The following PXDNL variants were observed in gnomAD, a reference collection of about 807,000 sequenced individuals.
The protein encoded by PXDNL is peroxidasin like.
A neutral mutation model predicts 150.8 loss-of-function variants in PXDNL; 145 were observed. The observed-to-expected ratio is 0.96, with a 90% CI of 0.84 to 1.10. The LOEUF is 1.10. PXDNL is among the 50% of genes least tolerant of loss of function. PXDNL has a pLI of 0.00. For synonymous variants in PXDNL, 757 were observed against 725.7 expected, an observed-to-expected ratio of 1.04 and a Z score of -0.69; for missense variants, 2,087 against 1,873.9, an observed-to-expected ratio of 1.11 and a Z score of -2.10.
chr8:51,656,665 T>G (rs1184457851), intron 1 of PXDNL, among the ~76,000 whole-genome samples: 1 of 152,194 alleles, frequency 6.6e-6, no homozygotes, highest in Non-Finnish European at 1.5e-5. Flanking sequence ...GCTTTGAAAT[T>G]TCTGAAAAAT....
chr8:51,603,364 T>C (rs560307754), intron 2 of PXDNL, among the ~76,000 whole-genome samples: 24 of 152,146 alleles, frequency 1.6e-4, no homozygotes, highest in Non-Finnish European at 3.4e-4. Flanking sequence ...ACATCATTCA[T>C]TTTTCTGCTT....
intron 4 of PXDNL, among the ~76,000 whole-genome samples, chr8:51,516,414 G>T (rs760243338): frequency 4.6e-5 from 7 of 152,100 alleles, no homozygotes; most frequent in Admixed American, 1.3e-4. Context: ...GAGTATCTTG[G>T]CTTTGACAGA....
chr8:51,652,101 G>T (rs1041957621), intron 2 of PXDNL, among the ~76,000 whole-genome samples: 1 of 152,088 alleles, frequency 6.6e-6, no homozygotes, highest in Admixed American at 6.5e-5. Flanking sequence ...TGGAGTTTCT[G>T]TGCAATTTAC....
intron 12 of PXDNL, among the ~76,000 whole-genome samples, chr8:51,438,176 G>A (rs1395543252): frequency 6.6e-6 from 1 of 152,096 alleles, no homozygotes; most frequent in Admixed American, 6.5e-5. Context: ...TGACACAAAT[G>A]AATTGAAACA....
At chr8:51,807,142 TG>T (rs1180781109) in intron 1 of PXDNL, among the ~76,000 whole-genome samples, 1 of 152,188 alleles carries the variant, frequency 6.6e-6, no homozygotes, top group African/African-American at 2.4e-5. Flanking sequence ...TACCTGAAAC[TG>T]GGTAATTTAC....
At chr8:51,407,238 C>A (rs1260542593) in intron 17 of PXDNL, among the ~76,000 whole-genome samples, 4 of 152,080 alleles carry the variant, frequency 2.6e-5, no homozygotes, top group Non-Finnish European at 5.9e-5. Context: ...GTTTGAGATT[C>A]CACATATGTG....
intron 17 of PXDNL, among the ~76,000 whole-genome samples, chr8:51,381,931 C>A (rs1258126589): frequency 6.6e-6 from 1 of 151,628 alleles, no homozygotes; most frequent in Non-Finnish European, 1.5e-5. Context: ...ACTTTCATAA[C>A]AATAGTGAAT....
rs762818923 is a variant in PXDNL, at chr8:51,319,938, C to G, written c.4345G>C (p.Val1449Leu). 17 of 1,573,792 alleles carry G rather than the reference C, an allele frequency of 1.1e-5. No homozygotes were observed. Among genetic ancestry groups the G allele is most frequent in the Non-Finnish European group, 1.4e-5 (16 of 1,161,516 alleles). ...CTTGGCATTCCTCGGTCTCTGCAAA[C>G]TGGACAGCAGGTTCCTTTCACCAAT... ...PELVKGTCCP[V>L]CRDRGMPSDS... is the part of the protein sequence containing the mutation. The change falls in exon 23 of 23, where the codon GTT (valine) becomes CTT (leucine). Residue 1449 changes from valine (V) to leucine (L), a missense_variant. Val to Leu is a conservative substitution (Grantham distance 32). Transcript: ENST00000356297.
intron 1 of PXDNL, among the ~76,000 whole-genome samples, chr8:51,718,960 C>A (rs1157408885): frequency 1.3e-5 from 2 of 151,718 alleles, no homozygotes; most frequent in Non-Finnish European, 3.0e-5. Flanking sequence ...GCAGCCCCCA[C>A]CCGGCCAGCC....
intron 1 of PXDNL, among the ~76,000 whole-genome samples, chr8:51,705,846 C>T (rs552073148): frequency 0.081 from 11,988 of 147,260 alleles, 693 homozygotes; most frequent in African/African-American, 0.19. Flanking sequence ...CGCGCGCGCG[C>T]GCGCGCGTGC....
chr8:51,519,900 A>C (rs996681524), intron 4 of PXDNL, among the ~76,000 whole-genome samples: 2 of 152,218 alleles, frequency 1.3e-5, no homozygotes, highest in Admixed American at 1.3e-4. Flanking sequence ...AGCCATCCCT[A>C]AATCTGAAAA....
intron 4 of PXDNL, among the ~76,000 whole-genome samples, chr8:51,556,553 G>T (rs755347968): frequency 6.6e-6 from 1 of 152,132 alleles, no homozygotes; most frequent in South Asian, 2.1e-4. Context: ...GGAAATATGT[G>T]CATTTCAGGA....
chr8:51,321,834 A>G (rs1805325959), intron 21 of PXDNL, among the ~76,000 whole-genome samples: 1 of 152,196 alleles, frequency 6.6e-6, no homozygotes, highest in African/African-American at 2.4e-5. Flanking sequence ...AGCCACACTC[A>G]GTTCTGCCTC....
chr8:51,409,992 C>T (rs542440354), intron 16 of PXDNL, among the ~76,000 whole-genome samples: 1 of 152,164 alleles, frequency 6.6e-6, no homozygotes, highest in South Asian at 2.1e-4. Context: ...TTTACAAGAA[C>T]GATGTTGGCA....
chr8:51,505,173 G>A (rs1036044602), intron 4 of PXDNL, among the ~76,000 whole-genome samples: 1 of 152,080 alleles, frequency 6.6e-6, no homozygotes. Flanking sequence ...TCTCGTATCT[G>A]AGTAAATATT....
chr8:51,630,260 CT>C (rs1313795398), intron 2 of PXDNL, among the ~76,000 whole-genome samples: 2 of 152,060 alleles, frequency 1.3e-5, no homozygotes, highest in Non-Finnish European at 2.9e-5. Flanking sequence ...GGATGCCTTC[CT>C]TACACCATAT....
At chr8:51,380,155 A>C (rs149838688) in intron 17 of PXDNL, among the ~76,000 whole-genome samples, 190 of 152,276 alleles carry the variant, frequency 1.2e-3, no homozygotes, top group African/African-American at 4.3e-3. Context: ...AAAAAAACTC[A>C]TAATATTTTA....
At chr8:51,673,355 T>C (rs1459689978) in intron 1 of PXDNL, among the ~76,000 whole-genome samples, 4 of 152,304 alleles carry the variant, frequency 2.6e-5, no homozygotes, top group East Asian at 1.9e-4. Context: ...GGTAGAAATA[T>C]AGGTGAATTT....
intron 2 of PXDNL, among the ~76,000 whole-genome samples, chr8:51,609,983 A>G (rs1813963290): frequency 6.6e-6 from 1 of 151,954 alleles, no homozygotes; most frequent in African/African-American, 2.4e-5. Flanking sequence ...GCTGAAGGAG[A>G]TCAAGTTGCA....
Sources: gnomAD v4.1 joint callset for allele counts (sites outside exome capture counted in the v4.1 genomes callset) on GRCh38, gnomAD v4.1.1 for gene constraint, MANE v1.5 for transcripts, NCBI Gene and HGNC (gene_info 2026-07-23, HGNC 2026-07-21) for gene names.